ANKRD44: variants seen among roughly 807,000 people sequenced by gnomAD.
ANKRD44 encodes the protein ankyrin repeat domain 44.
In ANKRD44, 35 loss-of-function variants were observed where a neutral mutation model predicts 116.0. The ratio of observed to expected loss-of-function variants is 0.30; its 90% confidence interval spans 0.23 to 0.40. The LOEUF (loss-of-function observed/expected upper bound fraction) is 0.40, where lower values mean the gene tolerates loss of function less well. ANKRD44 is among the 10% of genes least tolerant of loss of function. ANKRD44 has a pLI of 1.00. For missense variants in ANKRD44, 1,014 were observed against 1,242.6 expected (o/e 0.82, Z 2.77); for synonymous variants, 435 against 461.8 (o/e 0.94, Z 0.74).
chr2:197,248,592 A>ATATATATATATAT (rs1553539906), intron 1 of ANKRD44, among the ~76,000 whole-genome samples: 3 of 149,650 alleles, frequency 2.0e-5, no homozygotes, highest in African/African-American at 7.4e-5. Context: ...ATATATATAT[A>ATATATATATATAT]AAGAGAGAGA....
intron 1 of ANKRD44, among the ~76,000 whole-genome samples, chr2:197,278,752 T>G (rs1313083449): frequency 1.3e-5 from 2 of 152,150 alleles, no homozygotes; most frequent in Non-Finnish European, 2.9e-5. Context: ...CACTTTCTCT[T>G]CCCCACCACC....
At chr2:197,056,388 G>A (rs547441125) in intron 16 of ANKRD44, among the ~76,000 whole-genome samples, 3 of 151,904 alleles carry the variant, frequency 2.0e-5, no homozygotes, top group South Asian at 2.1e-4. Flanking sequence ...GTTTTTCTAC[G>A]TATTGAAACA....
intron 1 of ANKRD44, among the ~76,000 whole-genome samples, chr2:197,304,596 G>A (rs1384376244): frequency 6.6e-6 from 1 of 152,176 alleles, no homozygotes; most frequent in Non-Finnish European, 1.5e-5. Context: ...GGGCAGAGCT[G>A]AGGCACCATA....
intron 21 of ANKRD44, among the ~76,000 whole-genome samples, chr2:197,002,743 A>C (rs1254311336): frequency 6.6e-6 from 1 of 152,194 alleles, no homozygotes; most frequent in Non-Finnish European, 1.5e-5. Context: ...AAAACAAAAA[A>C]CAAAAAACAA....
intron 1 of ANKRD44, among the ~76,000 whole-genome samples, chr2:197,267,732 A>G (rs1338919178): frequency 6.6e-6 from 1 of 152,204 alleles, no homozygotes. Flanking sequence ...TCAATGCTAG[A>G]GTAGGGTTGT....
chr2:197,062,288 A>G (rs935589121), intron 16 of ANKRD44, among the ~76,000 whole-genome samples: 9 of 152,248 alleles, frequency 5.9e-5, no homozygotes, highest in African/African-American at 2.2e-4. Flanking sequence ...AGCCCTATCC[A>G]GAGGACAGGA....
At chr2:197,029,925 G>T in intron 16 of ANKRD44, 1 of 193,114 alleles carries the variant, frequency 5.2e-6, no homozygotes, top group South Asian at 9.8e-5. Flanking sequence ...CAGAGCAAGT[G>T]GCATATCATT....
At chr2:197,095,560 T>C (rs931088957) in intron 10 of ANKRD44, among the ~76,000 whole-genome samples, 2 of 152,194 alleles carry the variant, frequency 1.3e-5, no homozygotes, top group Admixed American at 6.5e-5. Context: ...ACACAAATGG[T>C]GACTTCACTT....
intron 9 of ANKRD44, among the ~76,000 whole-genome samples, chr2:197,109,619 G>A (rs111471371): frequency 2.8e-4 from 42 of 152,166 alleles, no homozygotes; most frequent in Admixed American, 1.0e-3. Context: ...AAGTGTATGT[G>A]GTCCGAAATT....
chr2:197,308,946 T>C (rs2084157756), intron 1 of ANKRD44, among the ~76,000 whole-genome samples: 1 of 152,236 alleles, frequency 6.6e-6, no homozygotes, highest in African/African-American at 2.4e-5. Flanking sequence ...TAGCTGGCAT[T>C]CTTTGAGGAA....
At chr2:197,260,744 A>G (rs369479195) in intron 1 of ANKRD44, among the ~76,000 whole-genome samples, 2,242 of 151,236 alleles carry the variant, frequency 0.015, 13 homozygotes, top group Non-Finnish European at 0.018. Flanking sequence ...TCCAGCACCT[A>G]CTGTTTCCTG....
intron 21 of ANKRD44, among the ~76,000 whole-genome samples, chr2:196,969,145 T>C (rs1559387442): frequency 6.6e-6 from 1 of 152,232 alleles, no homozygotes; most frequent in Non-Finnish European, 1.5e-5. Flanking sequence ...AGGACCCACA[T>C]GGCTTAGTCT....
In ANKRD44 at chr2:197,236,713, CA is replaced by C. The variant is rs71012964; in HGVS notation, c.28-49608del. On this transcript the variant is annotated intron_variant, in intron 1 of 27. Coordinates refer to ENST00000282272, the MANE Select transcript of ANKRD44 (RefSeq NM_001195144.2). Reference sequence around the variant, plus strand: ...TCATCTCTCCCTGCAACAAACTACTCAAAAAAAAAAAAAAAGAATAAAAGAA... The same window carrying C: ...TCATCTCTCCCTGCAACAAACTACTCAAAAAAAAAAAAAAGAATAAAAGAA... Among the ~76,000 whole-genome samples, 773 of 105,182 alleles carry C rather than the reference CA, an allele frequency of 7.3e-3. 6 individuals carry two copies. The highest frequency in any genetic ancestry group is 0.059 in the South Asian group (201 of 3,396). The allele number at this position is 105,182 out of a possible 152,430, so 69.0% of individuals were successfully genotyped here. A position where few individuals can be genotyped will look rare whatever the true frequency, so the allele number is the denominator to read the frequency against.
intron 3 of ANKRD44, among the ~76,000 whole-genome samples, chr2:197,141,238 C>T (rs1297993902): frequency 1.3e-5 from 2 of 152,058 alleles, no homozygotes; most frequent in East Asian, 3.9e-4. Context: ...TACATACATA[C>T]AAATCTGATT....
In ANKRD44 at chr2:197,145,476, A is replaced by T. The variant is rs946184470; in HGVS notation, c.190+1551T>A. ...ACCAGCCAGGTGTGCATTGGCCCTT[A>T]GTCTGTGCCAACACCAAACAATACA... On this transcript the variant is annotated intron_variant, in intron 3 of 27. Coordinates refer to ENST00000282272, the MANE Select transcript of ANKRD44 (RefSeq NM_001195144.2). Among the ~76,000 whole-genome samples, 4 of 152,318 alleles carry T rather than the reference A, an allele frequency of 2.6e-5. No homozygotes were observed. The East Asian group carries it at 7.7e-4, about 29-fold the overall frequency.
intron 16 of ANKRD44, among the ~76,000 whole-genome samples, chr2:197,041,833 C>G (rs993112468): frequency 6.6e-6 from 1 of 152,072 alleles, no homozygotes; most frequent in Non-Finnish European, 1.5e-5. Context: ...ATGAAATACA[C>G]AATAAAGAAC....
chr2:196,993,791 G>T, intron 26 of ANKRD44, 117 bp from the exon 27 acceptor site: 1 of 770,868 alleles, frequency 1.3e-6, no homozygotes, highest in Non-Finnish European at 2.1e-6. Context: ...ATAGTACATG[G>T]ATGTTTTTAC....
chr2:197,102,967 T>C (rs112399247), intron 9 of ANKRD44, among the ~76,000 whole-genome samples: 3,302 of 152,158 alleles, frequency 0.022, 39 homozygotes, highest in African/African-American at 0.029. Context: ...TGGTGGCTCA[T>C]GCCTGTAATC....
chr2:197,124,262 C>A (rs2078926579), intron 6 of ANKRD44, among the ~76,000 whole-genome samples: 1 of 152,118 alleles, frequency 6.6e-6, no homozygotes, highest in African/African-American at 2.4e-5. Context: ...TAATTTATTT[C>A]ATCCCTGCCC....
Sources: allele counts gnomAD v4.1 joint callset (sites outside exome capture counted in the v4.1 genomes callset), GRCh38; gene constraint gnomAD v4.1.1; transcripts MANE v1.5; gene names NCBI Gene and HGNC (gene_info 2026-07-23, HGNC 2026-07-21).